Variants in DOCK7 observed in about 807,000 individuals in gnomAD.
The protein encoded by DOCK7 is dedicator of cytokinesis 7, also known as dedicator of cytokinesis protein 7.
A neutral mutation model predicts 271.0 loss-of-function variants in DOCK7; 138 were observed. The observed-to-expected ratio is 0.51, with a 90% confidence interval of 0.44 to 0.59. The LOEUF is 0.59. DOCK7 is among the 20% of genes least tolerant of loss of function. The pLI, the probability that DOCK7 is intolerant of heterozygous loss-of-function variation, is 0.00. For synonymous variants in DOCK7, 823 were observed against 876.1 expected (o/e 0.94, Z 1.07); for missense variants, 2,066 against 2,592.4 (o/e 0.80, Z 4.41).
In DOCK7 at chr1:62,492,742, C is replaced by A; in HGVS notation, c.5323G>T (p.Val1775Leu). The change falls in exon 41 of 50, where the codon GTG becomes TTG. Residue 1775 changes from valine to leucine, a missense_variant. Transcript: ENST00000635253. ...GCAGCTGCTTGTTCCAGTAATCCCA[C>A]AAGTCCTGACTCAGTAAAGTATTTT... ...SGKYFTESGL[V>L]GLLEQAAASF... The A allele has an allele frequency of 1.2e-6, 2 of 1,614,128 alleles. No individual in the cohort carries two copies. The highest frequency in any genetic ancestry group is 1.7e-6 in the Non-Finnish European group (2 of 1,179,988).
intron 22 of DOCK7, among the ~76,000 whole-genome samples, chr1:62,548,127 ACT>A (rs1275285594): frequency 1.3e-5 from 2 of 151,868 alleles, no homozygotes; most frequent in Non-Finnish European, 2.9e-5. Context: ...TGAAGCTTAC[ACT>A]CTGTTAAAGG....
At chr1:62,595,941 G>T (rs1056162829) in intron 14 of DOCK7, among the ~76,000 whole-genome samples, 1 of 151,876 alleles carries the variant, frequency 6.6e-6, no homozygotes, top group African/African-American at 2.4e-5. Flanking sequence ...AAAAAGAAAA[G>T]AAATTTGGAA....
intron 34 of DOCK7, among the ~76,000 whole-genome samples, chr1:62,510,132 T>C (rs1184466355): frequency 6.6e-6 from 1 of 152,218 alleles, no homozygotes; most frequent in East Asian, 1.9e-4. Flanking sequence ...TGTAGGTGTT[T>C]ATGGCAGTAG....
At chr1:62,657,191 T>C (rs1658120353) in intron 2 of DOCK7, among the ~76,000 whole-genome samples, 1 of 152,126 alleles carries the variant, frequency 6.6e-6, no homozygotes, top group Non-Finnish European at 1.5e-5. Flanking sequence ...TCACACACCC[T>C]TGGGTGTCAG....
intron 14 of DOCK7, 54 bp from the exon 15 acceptor site, chr1:62,586,678 T>TATC: frequency 9.4e-7 from 1 of 1,068,156 alleles, no homozygotes; most frequent in South Asian, 1.5e-5. Flanking sequence ...AAACACTATG[T>TATC]ATCACTCACA....
At chr1:62,672,338 TACA>T (rs1248348342) in intron 1 of DOCK7, among the ~76,000 whole-genome samples, 4 of 152,156 alleles carry the variant, frequency 2.6e-5, no homozygotes, top group African/African-American at 9.6e-5. Context: ...GTCAGGCACT[TACA>T]ACGTGTCACA....
At chr1:62,557,037 A>G (rs1201042867) in intron 20 of DOCK7, among the ~76,000 whole-genome samples, 1 of 150,194 alleles carries the variant, frequency 6.7e-6, no homozygotes, top group Non-Finnish European at 1.5e-5. Context: ...ATAAAGCATG[A>G]AAGTTCTCAT....
intron 14 of DOCK7, among the ~76,000 whole-genome samples, chr1:62,615,367 C>A (rs1264143840): frequency 6.6e-6 from 1 of 151,740 alleles, no homozygotes; most frequent in Non-Finnish European, 1.5e-5. Flanking sequence ...TTTGCTCCAA[C>A]AGTTCTCACT....
rs369413098 is a variant in DOCK7, at chr1:62,609,865, G to C, written c.1682+8841C>G. ...CTTTTTTTTTTCGAGATGGAGTCTC[G>C]CTCTGTCACCCAGGCTGGAGTGCAG... On this transcript the variant is annotated intron_variant, in intron 14 of 49. Coordinates refer to ENST00000635253, the MANE Select transcript of DOCK7 (RefSeq NM_001367561.1). Among the ~76,000 whole-genome samples, 24 of 151,810 alleles carry C rather than the reference G, an allele frequency of 1.6e-4. No individual in the cohort carries two copies. In the South Asian group the frequency reaches 5.0e-3, roughly 32 times the overall value.
At chr1:62,490,236 A>T (rs1166532237) in intron 41 of DOCK7, among the ~76,000 whole-genome samples, 1 of 151,644 alleles carries the variant, frequency 6.6e-6, no homozygotes, top group Admixed American at 6.6e-5. Flanking sequence ...ATGCCCAGCT[A>T]ATTTTTTCAT....
intron 48 of DOCK7, among the ~76,000 whole-genome samples, chr1:62,463,877 C>T (rs1645599466): frequency 6.6e-6 from 1 of 152,124 alleles, no homozygotes; most frequent in African/African-American, 2.4e-5. Context: ...AAGTCATGGT[C>T]ATGCTTGGTT....
rs777222905 is a variant in DOCK7 at position 62,625,391 on chromosome 1, C to A, written c.1293G>T (p.Gly431=). 3.8e-6 allele frequency: 6 copies of A among 1,595,518 alleles called. No homozygotes were observed. Among genetic ancestry groups the A allele is most frequent in the Middle Eastern group, 1.7e-4 (1 of 5,988 alleles). ...EVEISTGERK[G]SWSERRNSSI... is the part of the protein sequence containing the mutation. ...TAGAATTCCTCCTCTCTGACCAAGA[C>A]CCTTTTCGTTCTACAAAAGAATTAA... Residue 431 remains glycine, a synonymous_variant, in exon 12 of 50, where the codon GGG becomes GGT. Coordinates refer to ENST00000635253, the MANE Select transcript of DOCK7 (RefSeq NM_001367561.1).
chr1:62,545,015 C>T lies in DOCK7; in HGVS notation c.2791G>A (p.Val931Ile), dbSNP rs1013232642. ...SKGLDRSNSW[V>I]NTGGPKAAPW... ...GCAGCTTTTGGACCACCAGTGTTAA[C>T]CCAGGAATTGGAGCGATCTAAACCC... is the stretch of plus-strand genomic sequence containing the variant. The change falls in exon 23 of 50, where the codon GTT becomes ATT. Residue 931 changes from valine to isoleucine, a missense_variant. Val to Ile is a conservative substitution (Grantham distance 29). Coordinates refer to ENST00000635253, the MANE Select transcript of DOCK7 (RefSeq NM_001367561.1). 1.3e-6 allele frequency: 2 copies of T among 1,549,658 alleles called. No individual in the cohort carries two copies. The highest frequency in any genetic ancestry group is 1.2e-5 in the South Asian group (1 of 84,014).
intron 33 of DOCK7, among the ~76,000 whole-genome samples, chr1:62,512,752 T>C (rs976614723): frequency 6.6e-6 from 1 of 151,010 alleles, no homozygotes; most frequent in African/African-American, 2.4e-5. Context: ...AAAAATTACT[T>C]GGGCATGGTG....
chr1:62,583,481 T>C (rs1238962734), intron 15 of DOCK7, among the ~76,000 whole-genome samples: 3 of 152,210 alleles, frequency 2.0e-5, no homozygotes, highest in Non-Finnish European at 4.4e-5. Context: ...AAAGTTTCTA[T>C]CAATTTTATT....
chr1:62,640,429 G>A (rs988383930), intron 7 of DOCK7, among the ~76,000 whole-genome samples: 1 of 152,204 alleles, frequency 6.6e-6, no homozygotes, highest in African/African-American at 2.4e-5. Context: ...GGCTGAGGCA[G>A]GAGAATCACT....
At chr1:62,680,931 T>C (rs1661051477) in intron 1 of DOCK7, among the ~76,000 whole-genome samples, 1 of 152,226 alleles carries the variant, frequency 6.6e-6, no homozygotes, top group South Asian at 2.1e-4. Context: ...TTTTACAGTG[T>C]TGGTGGGACT....
At chr1:62,546,941 A>G (rs1449579881) in intron 22 of DOCK7, among the ~76,000 whole-genome samples, 2 of 152,076 alleles carry the variant, frequency 1.3e-5, no homozygotes, top group Non-Finnish European at 2.9e-5. Flanking sequence ...TACAGTCACT[A>G]CTCATGTTAC....
chr1:62,496,738 G>C (rs1646633722), intron 37 of DOCK7, among the ~76,000 whole-genome samples: 1 of 152,124 alleles, frequency 6.6e-6, no homozygotes, highest in Admixed American at 6.5e-5. Context: ...GGTTGAATTA[G>C]AAATTCTGCT....
Sources: allele counts gnomAD v4.1 joint callset (sites outside exome capture counted in the v4.1 genomes callset), GRCh38; gene constraint gnomAD v4.1.1; transcripts MANE v1.5; gene names NCBI Gene and HGNC (gene_info 2026-07-23, HGNC 2026-07-21).